Variants in IL1R1 observed in about 807,000 individuals in gnomAD.
IL1R1 encodes the protein interleukin 1 receptor type 1.
IL1R1 carries 22 observed loss-of-function variants against 50.2 expected under a neutral mutation model. The observed-to-expected ratio is 0.44, with a 90% CI of 0.31 to 0.63. The LOEUF (loss-of-function observed/expected upper bound fraction) is 0.63. IL1R1 is among the 20% of genes least tolerant of loss of function. The pLI is 0.07. For missense variants in IL1R1, 509 were observed against 676.2 expected (o/e 0.75, Z 2.74); for synonymous variants, 251 against 236.7 (o/e 1.06, Z -0.55).
At chr2:102,144,501 G>T (rs1469068440) in intron 1 of IL1R1, among the ~76,000 whole-genome samples, 6 of 152,028 alleles carry the variant, frequency 3.9e-5, no homozygotes, top group African/African-American at 1.2e-4. Flanking sequence ...GACATCTTTT[G>T]AGTCAACCTC....
upstream of IL1R1, among the ~76,000 whole-genome samples, chr2:102,139,107 C>A (rs1682502065): frequency 6.6e-6 from 1 of 152,164 alleles, no homozygotes; most frequent in Middle Eastern, 3.4e-3. Flanking sequence ...GTGGACCGAG[C>A]TGAAGAATGG....
intron 1 of IL1R1, among the ~76,000 whole-genome samples, chr2:102,084,974 A>G (rs565182366): frequency 1.3e-5 from 2 of 152,330 alleles, no homozygotes; most frequent in Non-Finnish European, 2.9e-5. Flanking sequence ...GAATTTCCCC[A>G]ATGGCTAATG....
intron 1 of IL1R1, among the ~76,000 whole-genome samples, chr2:102,144,295 T>A (rs535240590): frequency 6.6e-6 from 1 of 152,344 alleles, no homozygotes; most frequent in African/African-American, 2.4e-5. Flanking sequence ...TCTGGCTAGC[T>A]GCCAAGCTGC....
At chr2:102,154,746 G>T (rs187878575) in intron 2 of IL1R1, among the ~76,000 whole-genome samples, 2 of 152,312 alleles carry the variant, frequency 1.3e-5, no homozygotes, top group East Asian at 3.9e-4. Flanking sequence ...ACATACACTA[G>T]CCCTTGGCTT....
intron 1 of IL1R1, among the ~76,000 whole-genome samples, chr2:102,108,636 A>T (rs1264832300): frequency 6.6e-6 from 1 of 152,156 alleles, no homozygotes; most frequent in Non-Finnish European, 1.5e-5. Flanking sequence ...ACCCCAGAAG[A>T]TTAAAAAAAA....
intron 1 of IL1R1, among the ~76,000 whole-genome samples, chr2:102,121,813 A>G (rs1681422665): frequency 1.3e-5 from 2 of 152,226 alleles, no homozygotes; most frequent in Non-Finnish European, 2.9e-5. Context: ...TTCTTATTGT[A>G]CATATTACAG....
At chr2:102,161,549 T>A (rs1241954433) in intron 3 of IL1R1, among the ~76,000 whole-genome samples, 1 of 152,212 alleles carries the variant, frequency 6.6e-6, no homozygotes, top group Non-Finnish European at 1.5e-5. Flanking sequence ...TTTCTCTAGT[T>A]TCTTGCAGAA....
chr2:102,125,877 C>T (rs1273108686), intron 1 of IL1R1, among the ~76,000 whole-genome samples: 2 of 152,106 alleles, frequency 1.3e-5, no homozygotes. Flanking sequence ...ATGGTTCTTC[C>T]CAGAAGACTT....
chr2:102,148,850 T>G (rs1448437742), intron 1 of IL1R1, among the ~76,000 whole-genome samples: 1 of 152,178 alleles, frequency 6.6e-6, no homozygotes, highest in Non-Finnish European at 1.5e-5. Flanking sequence ...TGTATGAATC[T>G]TATAACAAAG....
At position 102,143,942 on chromosome 2, in the gene IL1R1, C is replaced by T. The variant is rs528318396; in HGVS notation, c.-84+922C>T. On this transcript the variant is annotated intron_variant, in intron 1 of 11. Transcript: ENST00000410023. ...TGAGGTCATGGAGCAAGGGTCCATT[C>T]GTCACGGGAATGTGATGGATGTCTC... is the stretch of plus-strand genomic sequence containing the variant. 3.9e-5 allele frequency among the ~76,000 whole-genome samples: 6 copies of T among 152,318 alleles called. No homozygotes were observed. The South Asian group carries it at 8.3e-4, about 21-fold the overall frequency.
intron 1 of IL1R1, among the ~76,000 whole-genome samples, chr2:102,118,751 C>T (rs572833764): frequency 6.6e-6 from 1 of 152,236 alleles, no homozygotes; most frequent in Admixed American, 6.5e-5. Context: ...GGTGTGGTGG[C>T]TCACGCCTGT....
chr2:102,175,626 G>A lies in IL1R1; in HGVS notation c.1284G>A (p.Arg428=), dbSNP rs771915240. ...QCGYKLFIYG[R]DDYVGEDIVE... is the part of the protein sequence containing the mutation. Reference sequence around the variant, plus strand: ...GATATAAGCTGTTCATTTATGGAAGGGATGACTACGTTGGGGAAGGTATGT... The same window carrying A: ...GATATAAGCTGTTCATTTATGGAAGAGATGACTACGTTGGGGAAGGTATGT... The change falls in exon 11 of 12, where the codon AGG becomes AGA. Residue 428 remains arginine, a synonymous_variant. Transcript: ENST00000410023. The A allele has an allele frequency of 6.2e-7, 1 of 1,613,898 alleles. No homozygotes were observed. Among genetic ancestry groups the A allele is most frequent in the African/African-American group, 1.3e-5 (1 of 74,894 alleles).
At chr2:102,113,980 A>G (rs874954) in intron 1 of IL1R1, among the ~76,000 whole-genome samples, 90,686 of 152,064 alleles carry the variant, frequency 0.6, 27,449 homozygotes, top group African/African-American at 0.65. Flanking sequence ...TCATTATGCC[A>G]AAATAGTAAG....
chr2:102,164,509 T>A (rs1372095803), intron 3 of IL1R1, among the ~76,000 whole-genome samples: 1 of 152,140 alleles, frequency 6.6e-6, no homozygotes, highest in Non-Finnish European at 1.5e-5. Flanking sequence ...TCCTACATTG[T>A]CCCCACTTTT....
At chr2:102,172,389 G>T in intron 8 of IL1R1, 1 of 985,176 alleles carries the variant, frequency 1.0e-6, no homozygotes, top group South Asian at 4.7e-5. Context: ...ATCTCCTCTT[G>T]TTTAGTGTCT....
intron 1 of IL1R1, among the ~76,000 whole-genome samples, chr2:102,107,603 G>C (rs1459107778): frequency 1.3e-5 from 2 of 152,060 alleles, no homozygotes; most frequent in Non-Finnish European, 2.9e-5. Flanking sequence ...TAACAAACCT[G>C]CATGTTGTGC....
chr2:102,107,141 T>A (rs778006391), intron 1 of IL1R1, among the ~76,000 whole-genome samples: 1 of 152,190 alleles, frequency 6.6e-6, no homozygotes, highest in Non-Finnish European at 1.5e-5. Flanking sequence ...AACTCTCTCA[T>A]CAGCATTGGG....
chr2:102,164,840 C>T lies in IL1R1; in HGVS notation c.128C>T (p.Pro43Leu), dbSNP rs188550005. Residue 43 changes from proline (P) to leucine (L), a missense_variant, in exon 4 of 12, where the codon CCC becomes CTC. Coordinates refer to ENST00000410023, the MANE Select transcript of IL1R1 (RefSeq NM_000877.4). ...VSSANEIDVRPCPLNPNEHKG... is the reference protein window; with the variant it reads ...VSSANEIDVRLCPLNPNEHKG... The stretch of plus-strand genomic sequence containing the variant: ...TCTGCAAATGAAATTGATGTTCGTC[C>T]CTGTCCTCTTAACCCAAATGAACAC... 2.5e-6 allele frequency: 4 copies of T among 1,613,886 alleles called. No homozygotes were observed. The Admixed American group carries it at 5.0e-5, about 20-fold the overall frequency.
chr2:102,163,707 G>A (rs998864257), intron 3 of IL1R1, among the ~76,000 whole-genome samples: 1 of 152,014 alleles, frequency 6.6e-6, no homozygotes, highest in African/African-American at 2.4e-5. Flanking sequence ...TTGACTGATC[G>A]ATTTTTTTCC....
Sources: allele counts gnomAD v4.1 joint callset (sites outside exome capture counted in the v4.1 genomes callset), GRCh38; gene constraint gnomAD v4.1.1; transcripts MANE v1.5; gene names NCBI Gene and HGNC (gene_info 2026-07-23, HGNC 2026-07-21).